Variants in KCNH8 observed in about 807,000 individuals in gnomAD.
KCNH8 encodes potassium voltage-gated channel subfamily H member 8.
A neutral mutation model predicts 103.6 loss-of-function variants in KCNH8; 70 were observed. The observed-to-expected ratio is 0.68, with a 90% CI of 0.56 to 0.82. The LOEUF (loss-of-function observed/expected upper bound fraction) is 0.82. Among genes scored for constraint, KCNH8 ranks in the 40% least tolerant of loss-of-function variants. KCNH8 has a pLI of 0.00. For synonymous variants in KCNH8, 498 were observed against 489.4 expected, an observed-to-expected ratio of 1.02 and a Z score of -0.23; for missense variants, 1,217 against 1,329.9, an observed-to-expected ratio of 0.92 and a Z score of 1.32.
chr3:19,149,023 G>A lies in KCNH8; in HGVS notation c.76+228G>A, dbSNP rs114141094. Among the ~76,000 whole-genome samples, 547 of 152,208 alleles carry A rather than the reference G, an allele frequency of 3.6e-3. 2 individuals carry two copies. The highest frequency in any genetic ancestry group is 6.8e-3 in the Middle Eastern group (2 of 294). The stretch of plus-strand genomic sequence containing the variant: ...CTCTTGAGTTCTTGGGTTTGTTAAG[G>A]ACTGAAACGCAGCCTGAGGAAAGAC... On this transcript the variant is annotated intron_variant, in intron 1 of 15. Coordinates refer to ENST00000328405, the MANE Select transcript of KCNH8 (RefSeq NM_144633.3).
In KCNH8 at chr3:19,281,211, G is replaced by A; in HGVS notation, c.324G>A (p.Trp108Ter). 2 of 1,609,216 alleles carry A rather than the reference G, an allele frequency of 1.2e-6. No individual in the cohort carries two copies. Among genetic ancestry groups the A allele is most frequent in the Non-Finnish European group, 1.7e-6 (2 of 1,177,686 alleles). The change falls in exon 3 of 16, where the codon TGG (tryptophan) becomes TGA (stop). Residue 108 changes from tryptophan (W) to a stop codon, truncating the protein, a stop_gained. Coordinates refer to ENST00000328405, the MANE Select transcript of KCNH8 (RefSeq NM_144633.3). LOFTEE classifies it high-confidence loss of function. ...MFYKKNGSPF[W>*]CLLDIVPIKN... Reference sequence around the variant, plus strand: ...TTACTGTTGCAGGGTCTCCATTTTGGTGCCTACTGGATATTGTTCCCATAA... The same window carrying A: ...TTACTGTTGCAGGGTCTCCATTTTGATGCCTACTGGATATTGTTCCCATAA...
At chr3:19,399,634 G>A (rs1348232) in intron 7 of KCNH8, among the ~76,000 whole-genome samples, 73,890 of 151,578 alleles carry the variant, frequency 0.49, 19,135 homozygotes, top group African/African-American at 0.66. Flanking sequence ...ACTTCACATA[G>A]TATCTGGTAC....
chr3:19,208,843 G>A (rs1209700229), intron 1 of KCNH8, among the ~76,000 whole-genome samples: 1 of 151,884 alleles, frequency 6.6e-6, no homozygotes, highest in Non-Finnish European at 1.5e-5. Flanking sequence ...AGAAAAGACG[G>A]GAAAACGGGG....
chr3:19,377,830 A>G (rs2066232818), intron 5 of KCNH8, among the ~76,000 whole-genome samples: 1 of 152,266 alleles, frequency 6.6e-6, no homozygotes, highest in Admixed American at 6.5e-5. Flanking sequence ...ACTATTCTCA[A>G]AAGGCTGAGA....
Position 19,456,728 on chromosome 3 carries a change from G to A in KCNH8, c.1826-40G>A, listed in dbSNP as rs752981250. 6.8e-6 allele frequency: 9 copies of A among 1,322,220 alleles called. No individual in the cohort carries two copies. The Admixed American group carries it at 1.2e-4, about 18-fold the overall frequency. 81.9% of individuals were successfully genotyped at this position (1,322,220 alleles called of 1,614,324 possible). A position where few individuals can be genotyped will look rare whatever the true frequency, so the allele number is the denominator to read the frequency against. ...AAATGAGGTTATCAGTCCTAAGCTT[G>A]CTTTTTTTTTTTGAAAATGATCTCT... On this transcript the variant is annotated intron_variant, in intron 10 of 15. Transcript: ENST00000328405.
chr3:19,308,665 TC>T (rs2065162535), intron 3 of KCNH8, among the ~76,000 whole-genome samples: 1 of 23,500 alleles, frequency 4.3e-5, no homozygotes. Context: ...TCTCTCTCTC[TC>T]TCTCTCTCTC....
intron 1 of KCNH8, among the ~76,000 whole-genome samples, chr3:19,188,725 T>C (rs2063525028): frequency 6.6e-6 from 1 of 152,094 alleles, no homozygotes; most frequent in Non-Finnish European, 1.5e-5. Flanking sequence ...AATAAAGAAC[T>C]AGGTTTTTAA....
At chr3:19,404,965 T>G (rs1051853041) in intron 7 of KCNH8, among the ~76,000 whole-genome samples, 1 of 151,860 alleles carries the variant, frequency 6.6e-6, no homozygotes, top group East Asian at 1.9e-4. Context: ...ACTTTAAAAT[T>G]TGGGGTATAG....
chr3:19,390,210 A>G (rs1443897343), intron 5 of KCNH8, among the ~76,000 whole-genome samples: 2 of 152,126 alleles, frequency 1.3e-5, no homozygotes, highest in African/African-American at 4.8e-5. Context: ...TTATGTGCTC[A>G]GAAAATATTA....
At chr3:19,305,568 A>G (rs992832168) in intron 3 of KCNH8, among the ~76,000 whole-genome samples, 2 of 152,118 alleles carry the variant, frequency 1.3e-5, no homozygotes, top group African/African-American at 4.8e-5. Flanking sequence ...ATTCCACTTG[A>G]TGTATCAAAA....
chr3:19,499,741 G>A (rs937127437), intron 11 of KCNH8, among the ~76,000 whole-genome samples: 1 of 152,156 alleles, frequency 6.6e-6, no homozygotes, highest in African/African-American at 2.4e-5. Context: ...CAAATGCTCA[G>A]AGATTTTTGT....
chr3:19,475,818 A>G lies in KCNH8; in HGVS notation c.2040+18836A>G, dbSNP rs148884747. Among the ~76,000 whole-genome samples the G allele has an allele frequency of 3.6e-3, 542 of 152,238 alleles. 5 individuals are homozygous for G. The highest frequency in any genetic ancestry group is 0.013 in the African/African-American group (529 of 41,556). ...GGAGAACTATTATTGAGGGAGCAAA[A>G]ATGTCAAATCAGATGTGTTTCATTC... On this transcript the variant is annotated intron_variant, in intron 11 of 15. Transcript: ENST00000328405.
chr3:19,518,128 T>A (rs1461300604), intron 15 of KCNH8, 54 bp downstream of exon 15: 2 of 1,389,380 alleles, frequency 1.4e-6, no homozygotes, highest in African/African-American at 2.9e-5. Flanking sequence ...ATATAAATCC[T>A]AGTTACTCGC....
Position 19,409,804 on chromosome 3 carries a change from A to C in KCNH8, c.1177+14493A>C, listed in dbSNP as rs946621604. Among the ~76,000 whole-genome samples the C allele has an allele frequency of 2.6e-5, 4 of 151,966 alleles. No homozygotes were observed. The East Asian group carries it at 7.8e-4, about 30-fold the overall frequency. Reference sequence around the variant, plus strand: ...AACATTACATAATGATAAATTGTTCAAGCAACAAGAAGACTTGACTATCAT... The same window carrying C: ...AACATTACATAATGATAAATTGTTCCAGCAACAAGAAGACTTGACTATCAT... On this transcript the variant is annotated intron_variant, in intron 7 of 15. Transcript: ENST00000328405.
chr3:19,344,982 T>C (rs529171126), intron 4 of KCNH8, among the ~76,000 whole-genome samples: 2 of 152,178 alleles, frequency 1.3e-5, no homozygotes, highest in Non-Finnish European at 2.9e-5. Context: ...CCTTGCTGCT[T>C]CTCGGATACA....
chr3:19,467,351 C>T (rs1031038077), intron 11 of KCNH8, among the ~76,000 whole-genome samples: 2 of 151,318 alleles, frequency 1.3e-5, no homozygotes, highest in African/African-American at 2.4e-5. Context: ...AAATATATAA[C>T]CAAGCAACCT....
At chr3:19,245,133 A>G (rs989682872) in intron 1 of KCNH8, among the ~76,000 whole-genome samples, 4 of 152,188 alleles carry the variant, frequency 2.6e-5, no homozygotes, top group African/African-American at 9.7e-5. Flanking sequence ...TAACTTTTGT[A>G]TATGGTGACT....
intron 3 of KCNH8, among the ~76,000 whole-genome samples, chr3:19,318,662 T>TGTGTGTGTAC (rs1491117852): frequency 2.4e-4 from 34 of 142,562 alleles, no homozygotes; most frequent in African/African-American, 8.3e-4. Flanking sequence ...TGTGTGTGTG[T>TGTGTGTGTAC]ACACACACAC....
At chr3:19,248,191 T>C (rs1014130495) in intron 1 of KCNH8, among the ~76,000 whole-genome samples, 4 of 152,110 alleles carry the variant, frequency 2.6e-5, no homozygotes, top group Non-Finnish European at 5.9e-5. Context: ...CTAGGCCCCA[T>C]GGAATACAAA....
Sources: allele counts gnomAD v4.1 joint callset (sites outside exome capture counted in the v4.1 genomes callset), GRCh38; gene constraint gnomAD v4.1.1; transcripts MANE v1.5; gene names NCBI Gene and HGNC (gene_info 2026-07-23, HGNC 2026-07-21).